Variants in NUCB1 observed in about 807,000 individuals in gnomAD.
The protein encoded by NUCB1 is nucleobindin 1, also known as nucleobindin-1.
A neutral mutation model predicts 61.2 loss-of-function variants in NUCB1; 47 were observed. The ratio of observed to expected loss-of-function variants is 0.77; its 90% confidence interval spans 0.61 to 0.98. The LOEUF is 0.98. Among genes scored for constraint, NUCB1 ranks in the 50% least tolerant of loss-of-function variants. NUCB1 has a pLI of 0.00. For synonymous variants in NUCB1, 234 were observed against 243.1 expected, an observed-to-expected ratio of 0.96 and a Z score of 0.35; for missense variants, 583 against 605.3, an observed-to-expected ratio of 0.96 and a Z score of 0.39.
chr19:48,921,747 T>C, intron 11 of NUCB1, 80 bp from the exon 12 acceptor site: 1 of 1,359,838 alleles, frequency 7.4e-7, no homozygotes, highest in Non-Finnish European at 1.0e-6. Context: ...CTGTGAAGTC[T>C]CCGTTTGGGG....
chr19:48,918,530 CT>C (rs2037566090), intron 7 of NUCB1, 195 bp from the exon 8 acceptor site: 3 of 609,620 alleles, frequency 4.9e-6, no homozygotes, highest in African/African-American at 3.7e-5. Context: ...TCTCAACCCC[CT>C]GGTCGCTAGG....
chr19:48,918,836 T>C lies in NUCB1; in HGVS notation c.816+52T>C, dbSNP rs754784968. 81 of 1,529,066 alleles carry C rather than the reference T, an allele frequency of 5.3e-5. 1 individual carries two copies. In the South Asian group the frequency reaches 7.1e-4, roughly 13 times the overall value. 94.7% of individuals were successfully genotyped at this position (1,529,066 alleles called of 1,614,324 possible). On this transcript the variant is annotated intron_variant, in intron 8 of 12. Coordinates refer to ENST00000405315, the MANE Select transcript of NUCB1 (RefSeq NM_006184.6). ...CTGGAGGGACGCCCAAATCAGCCAC[T>C]TGTTTCCTCCTGCAGTCCCCTTAAA...
Position 48,905,755 on chromosome 19 carries a change from C to T in NUCB1, c.246C>T (p.Ser82=), listed in dbSNP as rs1470342710. The change falls in exon 4 of 13, where the codon AGC becomes AGT. Residue 82 remains serine (S), a splice_region_variant and synonymous_variant. Transcript: ENST00000405315. ...LQAANAEDIK[S]GKLSRELDFV... Reference sequence around the variant, plus strand: ...ACCAGGGTCTCCTCTCCTGTCAGAGCGGGAAGCTGAGCCGAGAGCTGGACT... The same window carrying T: ...ACCAGGGTCTCCTCTCCTGTCAGAGTGGGAAGCTGAGCCGAGAGCTGGACT... 1.9e-5 allele frequency: 30 copies of T among 1,613,870 alleles called. No individual in the cohort carries two copies. The highest frequency in any genetic ancestry group is 1.6e-4 in the Middle Eastern group (1 of 6,082).
intron 3 of NUCB1, among the ~76,000 whole-genome samples, chr19:48,905,072 C>A (rs1473088844): frequency 6.6e-6 from 1 of 152,180 alleles, no homozygotes; most frequent in Non-Finnish European, 1.5e-5. Flanking sequence ...CATCATAGAA[C>A]CTGCTGCACA....
chr19:48,903,512 GA>G, intron 2 of NUCB1, among the ~76,000 whole-genome samples: 1 of 128,442 alleles, frequency 7.8e-6, no homozygotes, highest in East Asian at 2.4e-4. Flanking sequence ...GTGGGTGGAT[GA>G]GTGGATGGAT....
intron 4 of NUCB1, 86 bp downstream of exon 4, chr19:48,905,971 G>A: frequency 9.5e-7 from 1 of 1,056,456 alleles, no homozygotes; most frequent in South Asian, 1.9e-5. Context: ...TTGTGTGCTA[G>A]GCAGGTGAGG....
Position 48,922,529 on chromosome 19 carries a change from G to A in NUCB1, c.*105G>A. 1.1e-6 allele frequency: 1 copy of A among 916,124 alleles called. No homozygotes were observed. 56.7% of individuals were successfully genotyped at this position (916,124 alleles called of 1,614,324 possible). A position where few individuals can be genotyped will look rare whatever the true frequency, so the allele number is the denominator to read the frequency against. On this transcript the variant is annotated 3_prime_UTR_variant, in exon 13 of 13. Transcript: ENST00000405315. ...TCCCTGGGGGCTGGTGTCATGTTGG[G>A]CTCCTGGGGCGGGGGCACGGCCTGG...
chr19:48,918,743 G>A lies in NUCB1; in HGVS notation c.775G>A (p.Val259Ile), dbSNP rs368523030. 3 of 1,613,864 alleles carry A rather than the reference G, an allele frequency of 1.9e-6. No homozygotes were observed. Among genetic ancestry groups the A allele is most frequent in the African/African-American group, 2.7e-5 (2 of 74,934 alleles). ...FILHDINSDG[V>I]LDEQELEALF... ...CCCTTCAGATATCAACAGTGATGGTGTCCTGGATGAGCAGGAGCTGGAGGC... is the reference window on the plus strand; with the variant it reads ...CCCTTCAGATATCAACAGTGATGGTATCCTGGATGAGCAGGAGCTGGAGGC... The change falls in exon 8 of 13, where the codon GTC becomes ATC. Residue 259 changes from valine (V) to isoleucine (I), a missense_variant. By Grantham distance (29) the Val-to-Ile change is conservative (BLOSUM62 3). Coordinates refer to ENST00000405315, the MANE Select transcript of NUCB1 (RefSeq NM_006184.6).
chr19:48,901,753 A>G (rs2037355449), intron 2 of NUCB1, among the ~76,000 whole-genome samples: 1 of 152,168 alleles, frequency 6.6e-6, no homozygotes, highest in Admixed American at 6.5e-5. Context: ...TGGGCAACAG[A>G]GCTGAGACTC....
intron 3 of NUCB1, among the ~76,000 whole-genome samples, chr19:48,905,456 T>A (rs1173470291): frequency 1.3e-5 from 2 of 152,034 alleles, no homozygotes; most frequent in African/African-American, 4.8e-5. Context: ...CAGGCTGATC[T>A]TGAGATCCTC....
At position 48,921,187 on chromosome 19, in the gene NUCB1, G is replaced by C. The variant is rs780754382; in HGVS notation, c.1036G>C (p.Glu346Gln). Reference protein sequence around the residue: ...VEMHPAYTEEELRRFEEELAA... With the variant: ...VEMHPAYTEEQLRRFEEELAA... ...GATGCACCCTGCCTACACCGAGGAA[G>C]AGCTGAGGCGCTTTGAAGAGGAGCT... Residue 346 changes from glutamate (E) to glutamine (Q), a missense_variant, in exon 11 of 13, where the codon GAG becomes CAG. Glu to Gln is a conservative substitution (Grantham distance 29). Coordinates refer to ENST00000405315, the MANE Select transcript of NUCB1 (RefSeq NM_006184.6). The C allele has an allele frequency of 2.5e-6, 4 of 1,612,942 alleles. No individual in the cohort carries two copies. In the Middle Eastern group the frequency reaches 5.0e-4, roughly 200 times the overall value.
chr19:48,913,684 C>A, intron 7 of NUCB1, 120 bp downstream of exon 7: 1 of 735,660 alleles, frequency 1.4e-6, no homozygotes. Flanking sequence ...AAGAGCCAAG[C>A]CTATGTCCCC....
At chr19:48,912,581 A>G (rs992780476) in intron 5 of NUCB1, among the ~76,000 whole-genome samples, 1 of 152,112 alleles carries the variant, frequency 6.6e-6, no homozygotes, top group African/African-American at 2.4e-5. Flanking sequence ...CACGCCTATA[A>G]TCCCAGCACT....
At chr19:48,905,555 G>A (rs1419886049) in intron 3 of NUCB1, among the ~76,000 whole-genome samples, 198 bp from the exon 4 acceptor site, 4 of 152,214 alleles carry the variant, frequency 2.6e-5, no homozygotes, top group Admixed American at 2.6e-4. Context: ...GACAGGAGAT[G>A]GGGCAGCACA....
At chr19:48,919,351 A>G (rs1012115029) in intron 10 of NUCB1, 65 bp downstream of exon 10, 9 of 1,251,134 alleles carry the variant, frequency 7.2e-6, no homozygotes, top group Admixed American at 5.6e-5. Context: ...CCTTTCTTTC[A>G]GAATCTTAGG....
At chr19:48,912,268 C>A (rs1164787050) in intron 5 of NUCB1, among the ~76,000 whole-genome samples, 4 of 152,016 alleles carry the variant, frequency 2.6e-5, no homozygotes, top group Non-Finnish European at 5.9e-5. Flanking sequence ...TCGAGTGATC[C>A]TCCCACCCTA....
In NUCB1 at chr19:48,903,709, G is replaced by A. The variant is rs1045115148; in HGVS notation, c.136-638G>A. Among the ~76,000 whole-genome samples, 131 of 121,312 alleles carry A rather than the reference G, an allele frequency of 1.1e-3. 1 individual carries two copies. Among genetic ancestry groups the A allele is most frequent in the Middle Eastern group, 4.6e-3 (1 of 218 alleles). 79.6% of individuals were successfully genotyped at this position (121,312 alleles called of 152,430 possible). A position where few individuals can be genotyped will look rare whatever the true frequency, so the allele number is the denominator to read the frequency against. ...GGATGGGTGGGTGGATGGATGGATG[G>A]GTGGGTGGATGGATGGATGAGTGGA... On this transcript the variant is annotated intron_variant, in intron 2 of 12. Transcript: ENST00000405315.
intron 2 of NUCB1, among the ~76,000 whole-genome samples, chr19:48,903,890 GTGGATGGATGGATGGGTGGA>G (rs2037383255): frequency 8.2e-6 from 1 of 121,778 alleles, no homozygotes; most frequent in Non-Finnish European, 1.7e-5. Flanking sequence ...GGATGGGTGG[GTGGATGGATGGATGGGTGGA>G]TGGATGGATG....
intron 10 of NUCB1, among the ~76,000 whole-genome samples, chr19:48,920,666 T>G (rs964950484): frequency 2.0e-5 from 3 of 152,072 alleles, no homozygotes; most frequent in African/African-American, 4.8e-5. Context: ...TGGGATTATA[T>G]GCATGTACCA....
Sources: allele counts gnomAD v4.1 joint callset (sites outside exome capture counted in the v4.1 genomes callset), GRCh38; gene constraint gnomAD v4.1.1; transcripts MANE v1.5; gene names NCBI Gene and HGNC (gene_info 2026-07-23, HGNC 2026-07-21).